The following PTPN5 variants were observed in gnomAD, a reference collection of about 807,000 sequenced individuals.
The protein encoded by PTPN5 is tyrosine-protein phosphatase non-receptor type 5.
PTPN5 carries 29 observed loss-of-function variants against 73.9 expected under a neutral mutation model. The ratio of observed to expected loss-of-function variants is 0.39; its 90% CI spans 0.29 to 0.54. The LOEUF (loss-of-function observed/expected upper bound fraction) is 0.54. Among genes scored for constraint, PTPN5 ranks in the 20% least tolerant of loss-of-function variants. The pLI, the probability that PTPN5 is intolerant of heterozygous loss-of-function variation, is 0.65. For missense variants in PTPN5, 652 were observed against 751.4 expected (o/e 0.87, Z 1.55); for synonymous variants, 267 against 304.7 (o/e 0.88, Z 1.29).
intron 3 of PTPN5, among the ~76,000 whole-genome samples, chr11:18,747,152 ATTT>A (rs10618446): frequency 3.3e-4 from 49 of 148,192 alleles, no homozygotes; most frequent in Middle Eastern, 3.5e-3. Flanking sequence ...ACTTGGCTGC[ATTT>A]TTTTTTTTTT....
At chr11:18,773,571 A>T (rs987288863) in intron 1 of PTPN5, among the ~76,000 whole-genome samples, 1 of 152,188 alleles carries the variant, frequency 6.6e-6, no homozygotes, top group African/African-American at 2.4e-5. Flanking sequence ...TCCTTGAAAC[A>T]TCCCTGGCAT....
intron 1 of PTPN5, among the ~76,000 whole-genome samples, chr11:18,775,042 T>A (rs964905203): frequency 1.3e-5 from 2 of 152,142 alleles, no homozygotes; most frequent in Non-Finnish European, 2.9e-5. Flanking sequence ...CAGGAACTGC[T>A]CCAGGGCAGG....
intron 12 of PTPN5, among the ~76,000 whole-genome samples, chr11:18,731,122 A>T (rs547974223): frequency 6.9e-6 from 1 of 144,512 alleles, no homozygotes; most frequent in Non-Finnish European, 1.5e-5. Context: ...TCCTTCTTTT[A>T]TACATATATA....
At chr11:18,766,682 T>C (rs1850659412) in intron 2 of PTPN5, among the ~76,000 whole-genome samples, 1 of 152,082 alleles carries the variant, frequency 6.6e-6, no homozygotes, top group Admixed American at 6.6e-5. Context: ...CCATGAAGCA[T>C]CTTGAGAGTA....
At chr11:18,769,331 A>T (rs1354438782) in intron 2 of PTPN5, among the ~76,000 whole-genome samples, 2 of 152,054 alleles carry the variant, frequency 1.3e-5, no homozygotes, top group Non-Finnish European at 2.9e-5. Context: ...GGCTCTGCTC[A>T]TTTGTGGGAG....
At position 18,740,698 on chromosome 11, in the gene PTPN5, C is replaced by A; in HGVS notation, c.820G>T (p.Ala274Ser). 6.2e-7 allele frequency: 1 copy of A among 1,609,044 alleles called. No individual in the cohort carries two copies. Among genetic ancestry groups the A allele is most frequent in the Non-Finnish European group, 8.5e-7 (1 of 1,177,296 alleles). Residue 274 changes from alanine to serine, a missense_variant, in exon 8 of 15, where the codon GCC (alanine) becomes TCC (serine). Coordinates refer to ENST00000358540, the MANE Select transcript of PTPN5 (RefSeq NM_006906.2). ...GYLMSPREESAREYLLSASRV... is the reference protein window; with the variant it reads ...GYLMSPREESSREYLLSASRV... Reference sequence around the variant, plus strand: ...GAGGCGCTGAGCAGGTACTCGCGGGCGGACTCCTCACGTGGGGACATGAGA... The same window carrying A: ...GAGGCGCTGAGCAGGTACTCGCGGGAGGACTCCTCACGTGGGGACATGAGA...
intron 3 of PTPN5, among the ~76,000 whole-genome samples, chr11:18,746,195 A>ATTT (rs1554916252): frequency 8.8e-6 from 1 of 114,034 alleles, no homozygotes; most frequent in Non-Finnish European, 1.8e-5. Context: ...ATATATATAC[A>ATTT]TTTTTTTTTT....
intron 8 of PTPN5, among the ~76,000 whole-genome samples, chr11:18,739,738 C>T (rs2134213074): frequency 6.6e-6 from 1 of 152,348 alleles, no homozygotes; most frequent in Admixed American, 6.5e-5. Context: ...CTCTTGGCCT[C>T]TTGCCTTTTC....
chr11:18,755,140 C>A (rs1046381781), intron 3 of PTPN5, among the ~76,000 whole-genome samples: 1 of 152,236 alleles, frequency 6.6e-6, no homozygotes, highest in Non-Finnish European at 1.5e-5. Context: ...AGTGTGGCCA[C>A]TGAGGCAGCT....
chr11:18,773,708 T>C (rs771101307), intron 1 of PTPN5, among the ~76,000 whole-genome samples: 29 of 152,120 alleles, frequency 1.9e-4, no homozygotes, highest in Non-Finnish European at 3.1e-4. Flanking sequence ...AGACATTTCT[T>C]CCATACCTGA....
chr11:18,738,415 AG>A (rs1353785841), intron 8 of PTPN5, among the ~76,000 whole-genome samples: 1 of 152,194 alleles, frequency 6.6e-6, no homozygotes, highest in Non-Finnish European at 1.5e-5. Flanking sequence ...ATTCTCCAGA[AG>A]GAGAGAAGCC....
At chr11:18,736,537 G>C (rs557591195) in intron 9 of PTPN5, among the ~76,000 whole-genome samples, 8 of 152,336 alleles carry the variant, frequency 5.3e-5, no homozygotes, top group Admixed American at 5.2e-4. Context: ...CCGAGGAAAT[G>C]TGTGCCCAGT....
chr11:18,747,150 G>T (rs940615236), intron 3 of PTPN5, among the ~76,000 whole-genome samples: 1 of 71,618 alleles, frequency 1.4e-5, no homozygotes, highest in Non-Finnish European at 3.1e-5. Context: ...GGACTTGGCT[G>T]CATTTTTTTT....
chr11:18,748,394 G>T (rs897321430), intron 3 of PTPN5, among the ~76,000 whole-genome samples: 1 of 152,254 alleles, frequency 6.6e-6, no homozygotes, highest in East Asian at 1.9e-4. Context: ...GAGAGGGGGA[G>T]GCTTACAATT....
In PTPN5 at chr11:18,729,575, C is replaced by T. The variant is rs1336863862; in HGVS notation, c.1491-9G>A. The T allele has an allele frequency of 6.3e-6, 10 of 1,577,910 alleles. 1 individual carries two copies. Among genetic ancestry groups the T allele is most frequent in the Non-Finnish European group, 6.9e-6 (8 of 1,159,298 alleles). ...TCCTCCCAATCCCTGCACTGAGGGC[C>T]GAGGGGACCGGTGGGGTGAGGGGCA... On this transcript the variant is annotated splice_polypyrimidine_tract_variant and intron_variant, in intron 13 of 14. Coordinates refer to ENST00000358540, the MANE Select transcript of PTPN5 (RefSeq NM_006906.2). This position sits in a 1 kb window ranked among gnomAD's most constrained non-coding sequence, Gnocchi z 5.2.
In PTPN5 at chr11:18,740,667, A is replaced by T. The variant is rs746411436; in HGVS notation, c.851T>A (p.Val284Asp). The T allele has an allele frequency of 6.2e-7, 1 of 1,605,126 alleles. No homozygotes were observed. The highest frequency in any genetic ancestry group is 8.5e-7 in the Non-Finnish European group (1 of 1,175,474). The change falls in exon 8 of 15, where the codon GTC becomes GAC. Residue 284 changes from valine (V) to aspartate (D), a missense_variant. By Grantham distance (152) the Val-to-Asp change is radical (BLOSUM62 -3). Coordinates refer to ENST00000358540, the MANE Select transcript of PTPN5 (RefSeq NM_006906.2). ...TTCATGAAGCTCTTCTGCTTGGAGG[A>T]CACGGGAGGCGCTGAGCAGGTACTC... ...AREYLLSASR[V>D]LQAEELHEKA...
chr11:18,733,105 TCTC>T lies in PTPN5; in HGVS notation c.1218+127_1218+129del, dbSNP rs1011494728. The T allele has an allele frequency of 1.6e-5, 22 of 1,368,348 alleles. No individual in the cohort carries two copies. In the Middle Eastern group the frequency reaches 9.6e-4, roughly 60 times the overall value. The allele number at this position is 1,368,348 out of a possible 1,614,324, so 84.8% of individuals were successfully genotyped here. On this transcript the variant is annotated intron_variant, in intron 11 of 14. Transcript: ENST00000358540. The surrounding 1 kb of genome is among the most constrained non-coding windows in gnomAD (Gnocchi z 4.3). ...TGACTTAACCTTACCGAGCCTCACATCTCCTCATCTTGGCAGCGGAGTGAACAC... is the reference window on the plus strand; with the variant it reads ...TGACTTAACCTTACCGAGCCTCACATCTCATCTTGGCAGCGGAGTGAACAC...
chr11:18,776,467 C>G (rs753138621), intron 1 of PTPN5, among the ~76,000 whole-genome samples: 21 of 152,176 alleles, frequency 1.4e-4, no homozygotes, highest in Non-Finnish European at 2.6e-4. Flanking sequence ...CAGCCTCACA[C>G]AGAGCTCCCT....
intron 7 of PTPN5, among the ~76,000 whole-genome samples, chr11:18,741,575 C>T (rs915550453): frequency 4.6e-5 from 7 of 152,030 alleles, no homozygotes; most frequent in Non-Finnish European, 1.0e-4. Flanking sequence ...ATCTGGCTCA[C>T]CCACCTAGAC....
Sources: gnomAD v4.1 joint callset for allele counts (sites outside exome capture counted in the v4.1 genomes callset) on GRCh38, gnomAD v4.1.1 for gene constraint, Gnocchi (gnomAD v3.1) non-coding constraint, MANE v1.5 for transcripts, NCBI Gene and HGNC (gene_info 2026-07-23, HGNC 2026-07-21) for gene names.